The following DGKH variants were observed in gnomAD, a reference collection of about 807,000 sequenced individuals.
DGKH encodes diacylglycerol kinase eta, also known as DAG kinase eta.
Under a neutral mutation model 159.3 loss-of-function variants are expected in DGKH, and 90 were observed. The ratio of observed to expected loss-of-function variants is 0.57; its 90% CI spans 0.48 to 0.67. The LOEUF (loss-of-function observed/expected upper bound fraction) is 0.67. Ranked by LOEUF, DGKH falls within the 30% of genes least tolerant of loss-of-function variation. DGKH has a pLI of 0.00. For synonymous variants in DGKH, 536 were observed against 553.8 expected (o/e 0.97, Z 0.45); for missense variants, 1,181 against 1,506.1 (o/e 0.78, Z 3.57).
intron 3 of DGKH, among the ~76,000 whole-genome samples, chr13:42,147,418 T>C (rs752952538): frequency 2.9e-4 from 44 of 152,232 alleles, no homozygotes; most frequent in Non-Finnish European, 5.4e-4. Context: ...TTTCCATTCC[T>C]TAAGTATGAT....
chr13:42,065,378 T>C (rs1882487573), intron 1 of DGKH, among the ~76,000 whole-genome samples: 1 of 152,210 alleles, frequency 6.6e-6, no homozygotes, highest in Admixed American at 6.5e-5. Context: ...TAAACACTTC[T>C]ACCTTATCAT....
intron 21 of DGKH, 48 bp downstream of exon 21, chr13:42,206,194 A>C (rs771249670): frequency 8.2e-7 from 1 of 1,225,428 alleles, no homozygotes; most frequent in Admixed American, 3.0e-5. Flanking sequence ...TAATTATATC[A>C]CTGGAATAAT....
chr13:42,219,816 G>A, intron 28 of DGKH, 22 bp downstream of exon 28: 1 of 1,596,916 alleles, frequency 6.3e-7, no homozygotes, highest in Non-Finnish European at 8.6e-7. Flanking sequence ...ATATGGAAGG[G>A]GAAATATAAC....
chr13:42,059,767 C>T (rs769267870), intron 1 of DGKH, among the ~76,000 whole-genome samples: 1 of 152,112 alleles, frequency 6.6e-6, no homozygotes, highest in Non-Finnish European at 1.5e-5. Flanking sequence ...TGCAAAGGCC[C>T]TTAGTAATTT....
At chr13:42,255,829 T>A (rs1193311599) in intron 30 of DGKH, 1 of 633,832 alleles carries the variant, frequency 1.6e-6, no homozygotes, top group East Asian at 2.8e-5. Context: ...AAGTAATATA[T>A]AAAAAGGGCA....
At chr13:42,090,819 G>A (rs183486385) in intron 1 of DGKH, among the ~76,000 whole-genome samples, 8 of 152,262 alleles carry the variant, frequency 5.3e-5, no homozygotes, top group East Asian at 3.9e-4. Flanking sequence ...AGGTGATTGA[G>A]CCATGGGGAC....
rs753230357 is a variant in DGKH, at chr13:42,189,222, C to A, written c.1825C>A (p.Gln609Lys). The change falls in exon 15 of 30, where the codon CAG becomes AAG. Residue 609 changes from glutamine to lysine, a missense_variant. Around this residue, in one of 5 missense-constraint regions of DGKH, gnomAD observed 257 missense variants for 281.5 expected, o/e 0.91. Coordinates refer to ENST00000337343, the MANE Select transcript of DGKH (RefSeq NM_178009.5). ...LGDDVTKPSSQKAVKPREIML... is the reference protein window; with the variant it reads ...LGDDVTKPSSKKAVKPREIML... ...GGATGACGTTACAAAACCTTCCTCC[C>A]AGAAAGCCGTCAAACCAAGGGAAAT... The A allele has an allele frequency of 6.2e-7, 1 of 1,614,158 alleles. No individual in the cohort carries two copies. The highest frequency in any genetic ancestry group is 8.5e-7 in the Non-Finnish European group (1 of 1,180,038).
chr13:42,135,138 C>A (rs1955373867), intron 3 of DGKH, among the ~76,000 whole-genome samples: 1 of 151,878 alleles, frequency 6.6e-6, no homozygotes, highest in African/African-American at 2.4e-5. Context: ...TTTTAGGTGG[C>A]AGTGATGCAA....
intron 1 of DGKH, among the ~76,000 whole-genome samples, chr13:42,113,064 A>G (rs1954895457): frequency 6.6e-6 from 1 of 152,174 alleles, no homozygotes; most frequent in African/African-American, 2.4e-5. Context: ...GAAGAGCTAC[A>G]GTGAGCATGC....
chr13:42,078,885 C>A (rs1330817112), intron 1 of DGKH, among the ~76,000 whole-genome samples: 5 of 150,298 alleles, frequency 3.3e-5, no homozygotes, highest in Non-Finnish European at 7.4e-5. Context: ...ACATTACTTT[C>A]CTCTCTTAAA....
Position 42,040,163 on chromosome 13 carries a change from C to G in DGKH, c.-13+37C>G, listed in dbSNP as rs574693529. On this transcript the variant is annotated intron_variant, in intron 1 of 29. Coordinates refer to the DGKH transcript ENST00000379274. ...GTGGGATTTCGCTCAAGCCTCAGCA[C>G]CCCCAGGAGGGGAGGCGCCTGCAGC... 5.9e-5 allele frequency: 9 copies of G among 152,448 alleles called. 1 individual carries two copies. Among genetic ancestry groups the G allele is most frequent in the African/African-American group, 2.2e-4 (9 of 41,584 alleles). 9.4% of individuals were successfully genotyped at this position (152,448 alleles called of 1,614,324 possible). A position where few individuals can be genotyped will look rare whatever the true frequency, so the allele number is the denominator to read the frequency against.
rs1555279951 is a variant in DGKH at position 42,224,903 on chromosome 13, A to AT, written c.3573+3509_3573+3510insT. On this transcript the variant is annotated intron_variant, in intron 29 of 29. Coordinates refer to ENST00000337343, the MANE Select transcript of DGKH (RefSeq NM_178009.5). ...CTAAAGTTGGGAAAAGGAAAAAAAA[A>AT]ATATATATATATATACATATATTTG... is the stretch of plus-strand genomic sequence containing the variant. Among the ~76,000 whole-genome samples, 1,390 of 144,950 alleles carry AT rather than the reference A, an allele frequency of 9.6e-3. 16 individuals are homozygous for AT. Among genetic ancestry groups the AT allele is most frequent in the African/African-American group, 0.021 (830 of 40,448 alleles).
intron 12 of DGKH, among the ~76,000 whole-genome samples, chr13:42,177,327 T>A (rs923354649): frequency 2.0e-5 from 3 of 152,230 alleles, no homozygotes. Flanking sequence ...AATGTTATGT[T>A]TATCAGATTG....
At chr13:42,050,443 G>A (rs562050250) in intron 1 of DGKH, among the ~76,000 whole-genome samples, 2 of 152,288 alleles carry the variant, frequency 1.3e-5, no homozygotes, top group Admixed American at 1.3e-4. Context: ...AAGAACAACT[G>A]TTGACAAGAT....
intron 1 of DGKH, among the ~76,000 whole-genome samples, chr13:42,124,614 C>T (rs1479256798): frequency 1.3e-5 from 2 of 151,998 alleles, no homozygotes; most frequent in Admixed American, 1.3e-4. Context: ...TGGGATTTGC[C>T]CTGTGTTTAC....
At chr13:42,204,136 T>A (rs1232838985) in intron 20 of DGKH, among the ~76,000 whole-genome samples, 1 of 152,218 alleles carries the variant, frequency 6.6e-6, no homozygotes, top group Non-Finnish European at 1.5e-5. Flanking sequence ...TGCATCCATT[T>A]GGAAAATATT....
chr13:42,227,733 G>A (rs1958170924), intron 29 of DGKH, among the ~76,000 whole-genome samples: 1 of 152,146 alleles, frequency 6.6e-6, no homozygotes, highest in Non-Finnish European at 1.5e-5. Flanking sequence ...TTTGACAATA[G>A]CATTGGCTAT....
chr13:42,069,390 T>A, intron 1 of DGKH: 1 of 1,530,674 alleles, frequency 6.5e-7, no homozygotes, highest in South Asian at 1.2e-5. Context: ...ACTTACTGAC[T>A]TTGATATCAA....
Position 42,241,619 on chromosome 13 carries a change from T to A in DGKH, c.*12431T>A, listed in dbSNP as rs1457920847. 1.3e-5 allele frequency: 2 copies of A among 152,290 alleles called. No homozygotes were observed. The highest frequency in any genetic ancestry group is 2.9e-5 in the Non-Finnish European group (2 of 68,026). The allele number at this position is 152,290 out of a possible 1,614,324, so 9.4% of individuals were successfully genotyped here. A position where few individuals can be genotyped will look rare whatever the true frequency, so the allele number is the denominator to read the frequency against. On this transcript the variant is annotated 3_prime_UTR_variant, in exon 30 of 30. Coordinates refer to ENST00000337343, the MANE Select transcript of DGKH (RefSeq NM_178009.5). ...TTGATGACACACACACCAAAATATA[T>A]AAGAGCTGTGCATGGTAAACCCACA... is the stretch of plus-strand genomic sequence containing the variant.
Sources: gnomAD v4.1 joint callset for allele counts (sites outside exome capture counted in the v4.1 genomes callset) on GRCh38, gnomAD v4.1.1 for gene constraint, gnomAD v4.1.1 regional missense constraint, MANE v1.5 for transcripts, NCBI Gene and HGNC (gene_info 2026-07-23, HGNC 2026-07-21) for gene names.